Variants in YWHAH observed in about 807,000 individuals in gnomAD.
The protein encoded by YWHAH is 14-3-3 protein eta.
A neutral mutation model predicts 22.9 loss-of-function variants in YWHAH; 6 were observed. The ratio of observed to expected loss-of-function variants is 0.26; its 90% CI spans 0.14 to 0.52. The LOEUF is 0.52. Ranked by LOEUF, YWHAH falls within the 20% of genes least tolerant of loss-of-function variation. YWHAH has a pLI of 0.97. For missense variants in YWHAH, 173 were observed against 308.6 expected (o/e 0.56, Z 3.29); for synonymous variants, 135 against 124.5 (o/e 1.08, Z -0.56).
intron 1 of YWHAH, among the ~76,000 whole-genome samples, chr22:31,947,717 GC>G (rs1157875858): frequency 6.6e-6 from 1 of 152,158 alleles, no homozygotes; most frequent in Non-Finnish European, 1.5e-5. Flanking sequence ...TCTAGGCTAG[GC>G]AATTCTAGGC....
intron 1 of YWHAH, among the ~76,000 whole-genome samples, chr22:31,955,281 C>G (rs2093848127): frequency 6.6e-6 from 1 of 152,142 alleles, no homozygotes; most frequent in Non-Finnish European, 1.5e-5. Context: ...GTGTGATGTT[C>G]CATCTGATCT....
chr22:31,950,120 A>C (rs1204677153), intron 1 of YWHAH, among the ~76,000 whole-genome samples: 3 of 85,858 alleles, frequency 3.5e-5, no homozygotes, highest in African/African-American at 1.2e-4. Flanking sequence ...TTTTTGCTTA[A>C]CAAAGTATTG....
In YWHAH at chr22:31,944,609, C is replaced by G; in HGVS notation, c.-125C>G. 1.5e-6 allele frequency: 1 copy of G among 661,758 alleles called. No individual in the cohort carries two copies. 41.0% of individuals were successfully genotyped at this position (661,758 alleles called of 1,614,324 possible). A position where few individuals can be genotyped will look rare whatever the true frequency, so the allele number is the denominator to read the frequency against. On this transcript the variant is annotated 5_prime_UTR_variant, in exon 1 of 2. Coordinates refer to ENST00000248975, the MANE Select transcript of YWHAH (RefSeq NM_003405.4). ...GCAGCCTGCAGCCTGCAGCCTCCGGCCGGCCGGCGAGCCAGTGCGCGTGCG... is the reference window on the plus strand; with the variant it reads ...GCAGCCTGCAGCCTGCAGCCTCCGGGCGGCCGGCGAGCCAGTGCGCGTGCG...
chr22:31,949,089 T>TTA (rs2093839143), intron 1 of YWHAH, among the ~76,000 whole-genome samples: 1 of 152,046 alleles, frequency 6.6e-6, no homozygotes, highest in Admixed American at 6.6e-5. Context: ...CCCTAACGTT[T>TTA]TATGTGTGTG....
At chr22:31,945,100 T>G (rs2093831816) in intron 1 of YWHAH, 2 of 1,099,420 alleles carry the variant, frequency 1.8e-6, no homozygotes, top group Non-Finnish European at 2.2e-6. Context: ...CACATCTTAG[T>G]TCGGAACCCG....
At chr22:31,955,782 T>G (rs973585602) in intron 1 of YWHAH, among the ~76,000 whole-genome samples, 5 of 152,124 alleles carry the variant, frequency 3.3e-5, no homozygotes, top group Non-Finnish European at 7.3e-5. Flanking sequence ...AGCTCGAGGT[T>G]TTCTTCTTCA....
chr22:31,953,094 T>C (rs1160877784), intron 1 of YWHAH, among the ~76,000 whole-genome samples: 3 of 152,238 alleles, frequency 2.0e-5, no homozygotes, highest in Admixed American at 6.5e-5. Flanking sequence ...TTAAATGATA[T>C]ACTCTGGGAA....
intron 1 of YWHAH, among the ~76,000 whole-genome samples, chr22:31,953,512 A>C (rs2093845886): frequency 6.6e-6 from 1 of 152,162 alleles, no homozygotes; most frequent in African/African-American, 2.4e-5. Context: ...TGATGTGGGC[A>C]AAAAAAGACT....
Position 31,944,839 on chromosome 22 carries a change from C to A in YWHAH, c.87+19C>A. ...GAAGGCGGTGAGCGCGCCGGGAGCC[C>A]GGGCGGCTGGCCGGGGGGGGCCTGG... On this transcript the variant is annotated intron_variant, in intron 1 of 1. Coordinates refer to ENST00000248975, the MANE Select transcript of YWHAH (RefSeq NM_003405.4). 1.5e-6 allele frequency: 2 copies of A among 1,353,426 alleles called. No homozygotes were observed. Among genetic ancestry groups the A allele is most frequent in the Non-Finnish European group, 9.6e-7 (1 of 1,046,562 alleles). The allele number at this position is 1,353,426 out of a possible 1,614,324, so 83.8% of individuals were successfully genotyped here.
Position 31,957,345 on chromosome 22 carries a change from T to TAA in YWHAH, c.*554_*555insAA, listed in dbSNP as rs1384377735. The TAA allele has an allele frequency of 3.3e-5, 5 of 152,814 alleles. No homozygotes were observed. Among genetic ancestry groups the TAA allele is most frequent in the Non-Finnish European group, 5.9e-5 (4 of 68,232 alleles). 9.5% of individuals were successfully genotyped at this position (152,814 alleles called of 1,614,324 possible). On this transcript the variant is annotated 3_prime_UTR_variant, in exon 2 of 2. Transcript: ENST00000248975. Reference sequence around the variant, plus strand: ...GCTCCTTGGTTTTGCCTCTTTAAATTATGACGTGCACAAACCTTCTTTTCA... The same window carrying TAA: ...GCTCCTTGGTTTTGCCTCTTTAAATTAAATGACGTGCACAAACCTTCTTTTCA...
At chr22:31,955,947 A>G (rs947233632) in intron 1 of YWHAH, among the ~76,000 whole-genome samples, 192 bp from the exon 2 acceptor site, 6 of 152,174 alleles carry the variant, frequency 3.9e-5, no homozygotes, top group African/African-American at 1.4e-4. Flanking sequence ...CTCTTCTGTT[A>G]GACTATAGTC....
At chr22:31,950,451 A>G in intron 1 of YWHAH, 2 of 775,036 alleles carry the variant, frequency 2.6e-6, no homozygotes, top group South Asian at 1.3e-5. Context: ...AATGATCCGA[A>G]CCTGGCACAG....
intron 1 of YWHAH, among the ~76,000 whole-genome samples, chr22:31,946,204 T>C (rs2093834345): frequency 6.6e-6 from 1 of 152,180 alleles, no homozygotes; most frequent in Admixed American, 6.5e-5. Context: ...TGAGCACTAT[T>C]AGCATGCTGT....
At chr22:31,955,153 TG>T (rs1314058011) in intron 1 of YWHAH, among the ~76,000 whole-genome samples, 2 of 152,234 alleles carry the variant, frequency 1.3e-5, no homozygotes, top group Non-Finnish European at 2.9e-5. Flanking sequence ...CACTAGGAGC[TG>T]GGGGTACTTT....
At chr22:31,950,964 C>A (rs975986654) in intron 1 of YWHAH, among the ~76,000 whole-genome samples, 1 of 152,148 alleles carries the variant, frequency 6.6e-6, no homozygotes, top group African/African-American at 2.4e-5. Flanking sequence ...TGGCACAGTC[C>A]TGGCTCACTG....
chr22:31,944,695 G>A lies in YWHAH; in HGVS notation c.-39G>A. On this transcript the variant is annotated 5_prime_UTR_variant, in exon 1 of 2. Coordinates refer to ENST00000248975, the MANE Select transcript of YWHAH (RefSeq NM_003405.4). ...GACCGGCGGGAGGGCTAGCGAGCCAGCGGTGTGAGGCGCGAGGCGAGGCCG... is the reference window on the plus strand; with the variant it reads ...GACCGGCGGGAGGGCTAGCGAGCCAACGGTGTGAGGCGCGAGGCGAGGCCG... 7.5e-7 allele frequency: 1 copy of A among 1,330,496 alleles called. No homozygotes were observed. Among genetic ancestry groups the A allele is most frequent in the South Asian group, 1.7e-5 (1 of 59,740 alleles). 82.4% of individuals were successfully genotyped at this position (1,330,496 alleles called of 1,614,324 possible). A position where few individuals can be genotyped will look rare whatever the true frequency, so the allele number is the denominator to read the frequency against.
At chr22:31,954,817 G>A (rs2093847548) in intron 1 of YWHAH, among the ~76,000 whole-genome samples, 1 of 152,188 alleles carries the variant, frequency 6.6e-6, no homozygotes, top group South Asian at 2.1e-4. Context: ...ACACCCTAAT[G>A]TCCAGTATGA....
chr22:31,945,407 G>A (rs1334481057), intron 1 of YWHAH: 1 of 1,299,422 alleles, frequency 7.7e-7, no homozygotes. Flanking sequence ...ACGGGGGCGG[G>A]AGAGTGGGCG....
rs932053472 is a variant in YWHAH at position 31,956,755 on chromosome 22, G to A, written c.704G>A (p.Ser235Asn). 6.2e-7 allele frequency: 1 copy of A among 1,609,540 alleles called. No individual in the cohort carries two copies. Among genetic ancestry groups the A allele is most frequent in the South Asian group, 1.1e-5 (1 of 90,478 alleles). Reference sequence around the variant, plus strand: ...CGAGACAACCTCACCCTCTGGACGAGCGACCAGCAGGATGAAGAAGCAGGA... The same window carrying A: ...CGAGACAACCTCACCCTCTGGACGAACGACCAGCAGGATGAAGAAGCAGGA... ...LLRDNLTLWTSDQQDEEAGEG... is the reference protein window; with the variant it reads ...LLRDNLTLWTNDQQDEEAGEG... Residue 235 changes from serine to asparagine, a missense_variant, in exon 2 of 2, where the codon AGC becomes AAC. Transcript: ENST00000248975. This position sits in a 1 kb window ranked among gnomAD's most constrained non-coding sequence, Gnocchi z 5.1.
Sources: allele counts gnomAD v4.1 joint callset (sites outside exome capture counted in the v4.1 genomes callset), GRCh38; gene constraint gnomAD v4.1.1; non-coding constraint Gnocchi (gnomAD v3.1); transcripts MANE v1.5; gene names NCBI Gene and HGNC (gene_info 2026-07-23, HGNC 2026-07-21).